Variants in MORC1 observed in about 807,000 individuals in gnomAD.
MORC1 encodes MORC family CW-type zinc finger protein 1.
Under a neutral mutation model 134.9 loss-of-function variants are expected in MORC1, and 59 were observed. That is an observed-to-expected ratio of 0.44 (90% CI 0.35 to 0.54). The LOEUF is 0.54. Among genes scored for constraint, MORC1 ranks in the 20% least tolerant of loss-of-function variants. MORC1 has a pLI of 0.00. For missense variants in MORC1, 947 were observed against 1,134.5 expected, an observed-to-expected ratio of 0.83 and a Z score of 2.37; for synonymous variants, 395 against 391.7, an observed-to-expected ratio of 1.01 and a Z score of -0.10.
At chr3:109,029,900 T>G (rs1466905491) in intron 16 of MORC1, among the ~76,000 whole-genome samples, 1 of 152,222 alleles carries the variant, frequency 6.6e-6, no homozygotes, top group Non-Finnish European at 1.5e-5. Flanking sequence ...CAGTTTCAGC[T>G]GTAGTGAAGA....
Position 109,017,351 on chromosome 3 carries a change from G to A in MORC1, c.1705-10260C>T, listed in dbSNP as rs146533063. The stretch of plus-strand genomic sequence containing the variant: ...TTCTAAAGCATTAAGACAAAAAGTA[G>A]GATACTTTTGGTTTATCTTTTGAAG... On this transcript the variant is annotated intron_variant, in intron 17 of 27. Transcript: ENST00000232603. Among the ~76,000 whole-genome samples the A allele has an allele frequency of 1.8e-3, 271 of 152,256 alleles. 6 individuals are homozygous for A. The highest frequency in any genetic ancestry group is 6.3e-3 in the African/African-American group (260 of 41,552).
At chr3:108,980,351 C>G (rs978886191) in intron 23 of MORC1, among the ~76,000 whole-genome samples, 1 of 152,138 alleles carries the variant, frequency 6.6e-6, no homozygotes, top group Non-Finnish European at 1.5e-5. Flanking sequence ...GAAACTCTCT[C>G]CCACCTAGAG....
At position 108,958,829 on chromosome 3, in the gene MORC1, T is replaced by C. The variant is rs1947003574; in HGVS notation, c.*136A>G. On this transcript the variant is annotated 3_prime_UTR_variant, in exon 28 of 28. Coordinates refer to ENST00000232603, the MANE Select transcript of MORC1 (RefSeq NM_014429.4). ...TTTCTAGAGTACACAATTTTCTTAT[T>C]TGAAAAAAATTATTTCTTATTTCTT... The C allele has an allele frequency of 9.5e-6, 5 of 528,298 alleles. No individual in the cohort carries two copies. The South Asian group carries it at 1.9e-4, about 20-fold the overall frequency. The allele number at this position is 528,298 out of a possible 1,614,324, so 32.7% of individuals were successfully genotyped here. A position where few individuals can be genotyped will look rare whatever the true frequency, so the allele number is the denominator to read the frequency against.
At chr3:108,991,221 A>T (rs1293211668) in intron 21 of MORC1, among the ~76,000 whole-genome samples, 4 of 152,202 alleles carry the variant, frequency 2.6e-5, no homozygotes, top group Non-Finnish European at 5.9e-5. Flanking sequence ...ATTCTGGATG[A>T]TATACTCAGA....
At chr3:109,100,589 C>T in intron 4 of MORC1, 82 bp from the exon 5 acceptor site, 1 of 1,025,654 alleles carries the variant, frequency 9.7e-7, no homozygotes, top group Non-Finnish European at 1.5e-6. Flanking sequence ...ACCTCACATT[C>T]CTCAGAACAT....
At chr3:109,059,010 C>G (rs1254266100) in intron 12 of MORC1, among the ~76,000 whole-genome samples, 1 of 152,010 alleles carries the variant, frequency 6.6e-6, no homozygotes, top group African/African-American at 2.4e-5. Context: ...ATTACAATTT[C>G]TATGACATTT....
intron 3 of MORC1, among the ~76,000 whole-genome samples, chr3:109,106,395 T>A (rs1951037351): frequency 6.6e-6 from 1 of 152,202 alleles, no homozygotes; most frequent in African/African-American, 2.4e-5. Flanking sequence ...TATTAGGAAT[T>A]AGAGACAAAT....
intron 24 of MORC1, among the ~76,000 whole-genome samples, chr3:108,972,622 G>A: frequency 6.6e-6 from 1 of 152,138 alleles, no homozygotes; most frequent in East Asian, 1.9e-4. Flanking sequence ...TATATGAGAT[G>A]AGAAGAAATC....
chr3:109,027,988 G>T, intron 16 of MORC1, 99 bp from the exon 17 acceptor site: 2 of 1,303,140 alleles, frequency 1.5e-6, no homozygotes, highest in Non-Finnish European at 2.1e-6. Context: ...TACTCTTTAT[G>T]TCATATATCC....
rs773956677 is a variant in MORC1, at chr3:109,114,437, G to A, written c.66C>T (p.Ser22=). Residue 22 remains serine, a splice_region_variant and synonymous_variant, in exon 2 of 28, where the codon TCC becomes TCT. Coordinates refer to ENST00000232603, the MANE Select transcript of MORC1 (RefSeq NM_014429.4). ...CTCCAAAAAGGAAACTGTGAGTGGT[G>A]CTGATGAAGAAATAAAGAGAAAACA... ...QLRLDFIHAN[S]TTHSFLFGAL... 1.3e-5 allele frequency: 21 copies of A among 1,612,418 alleles called. No homozygotes were observed. The East Asian group carries it at 2.7e-4, about 21-fold the overall frequency.
At chr3:109,113,829 G>A (rs1333179863) in intron 2 of MORC1, among the ~76,000 whole-genome samples, 1 of 152,206 alleles carries the variant, frequency 6.6e-6, no homozygotes, top group Admixed American at 6.5e-5. Flanking sequence ...TTGAATGCCA[G>A]CTCTGCCAAA....
At chr3:108,980,192 A>G (rs778511606) in intron 23 of MORC1, among the ~76,000 whole-genome samples, 14 of 152,134 alleles carry the variant, frequency 9.2e-5, no homozygotes, top group African/African-American at 2.2e-4. Context: ...TAGAAATACA[A>G]TTATAACCTT....
chr3:109,027,838 T>G lies in MORC1; in HGVS notation c.1617A>C (p.Thr539=). 1.2e-6 allele frequency: 2 copies of G among 1,613,886 alleles called. No individual in the cohort carries two copies. The highest frequency in any genetic ancestry group is 2.7e-5 in the African/African-American group (2 of 75,012). The change falls in exon 17 of 28, where the codon ACA becomes ACC. Residue 539 remains threonine (T), a synonymous_variant. Transcript: ENST00000232603. ...CTTTCTCATTTTTTGATGGTGATATTGTGCTCATGGTGCCCAGTGGGATGG... is the reference window on the plus strand; with the variant it reads ...CTTTCTCATTTTTTGATGGTGATATGGTGCTCATGGTGCCCAGTGGGATGG... ...LPSIPLGTMS[T]ISPSKNEKEK...
At chr3:108,961,028 CTGAG>C (rs1947066995) in intron 27 of MORC1, among the ~76,000 whole-genome samples, 1 of 152,174 alleles carries the variant, frequency 6.6e-6, no homozygotes, top group South Asian at 2.1e-4. Flanking sequence ...TTTCCATAAA[CTGAG>C]GTCTCCTTGA....
chr3:109,035,099 C>T (rs1287170637), intron 15 of MORC1, among the ~76,000 whole-genome samples: 1 of 152,058 alleles, frequency 6.6e-6, no homozygotes, highest in Non-Finnish European at 1.5e-5. Flanking sequence ...TAGAATCTTG[C>T]CTCTACTCCC....
At chr3:109,084,439 T>C (rs1156289688) in intron 8 of MORC1, among the ~76,000 whole-genome samples, 2 of 151,926 alleles carry the variant, frequency 1.3e-5, no homozygotes. Context: ...TAGAAGTCAA[T>C]TTAGCCAAAG....
chr3:109,002,141 C>T (rs535959809), intron 20 of MORC1, among the ~76,000 whole-genome samples: 10 of 152,240 alleles, frequency 6.6e-5, no homozygotes, highest in Non-Finnish European at 1.3e-4. Flanking sequence ...TGCCCACATT[C>T]ACTTTTGTTA....
intron 24 of MORC1, among the ~76,000 whole-genome samples, chr3:108,978,026 T>C (rs1397082219): frequency 2.0e-5 from 3 of 152,110 alleles, no homozygotes; most frequent in East Asian, 1.9e-4. Flanking sequence ...TACAGGCGCC[T>C]GCCACCCTGA....
intron 8 of MORC1, among the ~76,000 whole-genome samples, chr3:109,090,499 A>T (rs1056646969): frequency 7.9e-5 from 12 of 151,798 alleles, no homozygotes; most frequent in East Asian, 7.8e-4. Flanking sequence ...ACATGCTTGT[A>T]ATCCCAGCTA....
Sources: allele counts gnomAD v4.1 joint callset (sites outside exome capture counted in the v4.1 genomes callset), GRCh38; gene constraint gnomAD v4.1.1; transcripts MANE v1.5; gene names NCBI Gene and HGNC (gene_info 2026-07-23, HGNC 2026-07-21).